The following PARD3 variants were observed in gnomAD, a reference collection of about 807,000 sequenced individuals.
The protein encoded by PARD3 is partitioning defective 3 homolog.
PARD3 carries 75 observed loss-of-function variants against 155.4 expected under a neutral mutation model. The ratio of observed to expected loss-of-function variants is 0.48; its 90% CI spans 0.40 to 0.58. The LOEUF is 0.58. Ranked by LOEUF, PARD3 falls within the 20% of genes least tolerant of loss-of-function variation. The pLI, the probability that PARD3 is intolerant of heterozygous loss-of-function variation, is 0.00. For missense variants in PARD3, 1,642 were observed against 1,721.7 expected (o/e 0.95, Z 0.82); for synonymous variants, 576 against 610.5 (o/e 0.94, Z 0.83).
intron 22 of PARD3, among the ~76,000 whole-genome samples, chr10:34,171,711 G>A (rs1379143679): frequency 2.0e-5 from 3 of 151,888 alleles, no homozygotes; most frequent in Non-Finnish European, 2.9e-5. Flanking sequence ...CACTTTGGGA[G>A]GCCGAGGCAG....
intron 5 of PARD3, among the ~76,000 whole-genome samples, chr10:34,414,506 G>T (rs1306489521): frequency 6.6e-6 from 1 of 151,902 alleles, no homozygotes; most frequent in East Asian, 1.9e-4. Flanking sequence ...TATAAAAGCT[G>T]AATCTACTGA....
At chr10:34,710,761 A>T (rs2094438281) in intron 1 of PARD3, among the ~76,000 whole-genome samples, 1 of 152,186 alleles carries the variant, frequency 6.6e-6, no homozygotes, top group Non-Finnish European at 1.5e-5. Context: ...TGCTCAATAA[A>T]TACTGGTCAA....
intron 18 of PARD3, among the ~76,000 whole-genome samples, chr10:34,332,804 A>C (rs1835758204): frequency 6.6e-6 from 1 of 152,156 alleles, no homozygotes; most frequent in Admixed American, 6.6e-5. Context: ...CATGAGATTT[A>C]TTTCTTTGAA....
chr10:34,313,104 T>A (rs1460597547), intron 20 of PARD3, among the ~76,000 whole-genome samples: 1 of 152,212 alleles, frequency 6.6e-6, no homozygotes, highest in African/African-American at 2.4e-5. Flanking sequence ...ACATACTCAA[T>A]TTCCTCTTTC....
intron 14 of PARD3, among the ~76,000 whole-genome samples, chr10:34,355,338 A>G (rs1291109677): frequency 6.6e-6 from 1 of 152,112 alleles, no homozygotes; most frequent in Non-Finnish European, 1.5e-5. Context: ...GCTGTCTCCA[A>G]AAAAGAAAAG....
intron 5 of PARD3, among the ~76,000 whole-genome samples, chr10:34,433,038 T>C (rs1417198559): frequency 1.3e-5 from 2 of 152,224 alleles, no homozygotes; most frequent in Admixed American, 6.5e-5. Context: ...ACTGCACATG[T>C]ACCTTAAAGT....
At chr10:34,196,727 C>T (rs1026666434) in intron 22 of PARD3, among the ~76,000 whole-genome samples, 2 of 151,884 alleles carry the variant, frequency 1.3e-5, no homozygotes, top group Admixed American at 6.6e-5. Flanking sequence ...GTGCCCGCCA[C>T]CACACTTGGC....
intron 1 of PARD3, among the ~76,000 whole-genome samples, chr10:34,798,086 G>C (rs555390456): frequency 1.3e-5 from 2 of 152,048 alleles, no homozygotes; most frequent in African/African-American, 4.8e-5. Context: ...ATGGGAGGCT[G>C]AGGCAAGAGG....
intron 1 of PARD3, among the ~76,000 whole-genome samples, chr10:34,756,068 T>C (rs1836680514): frequency 6.6e-6 from 1 of 151,134 alleles, no homozygotes; most frequent in Admixed American, 6.6e-5. Context: ...GCTAGGATGC[T>C]AATCTGGGTT....
intron 3 of PARD3, among the ~76,000 whole-genome samples, chr10:34,478,195 A>T (rs998205264): frequency 6.6e-6 from 1 of 152,216 alleles, no homozygotes; most frequent in Non-Finnish European, 1.5e-5. Flanking sequence ...ACAGGATACT[A>T]TGGTTGGAAG....
At position 34,468,387 on chromosome 10, in the gene PARD3, G is replaced by A. The variant is rs535518281; in HGVS notation, c.582+1698C>T. Among the ~76,000 whole-genome samples the A allele has an allele frequency of 5.1e-4, 77 of 152,230 alleles. 1 individual carries two copies. The highest frequency in any genetic ancestry group is 1.7e-3 in the African/African-American group (72 of 41,548). On this transcript the variant is annotated intron_variant, in intron 4 of 24. Coordinates refer to ENST00000374788, the MANE Select transcript of PARD3 (RefSeq NM_001184785.2). ...TTGAATGACTTGAAAAGAAACTTCC[G>A]TATGTTTCAAACAGTTGAAAACCAA... is the stretch of plus-strand genomic sequence containing the variant.
chr10:34,224,819 C>A (rs1424812469), intron 22 of PARD3, among the ~76,000 whole-genome samples: 3 of 152,116 alleles, frequency 2.0e-5, no homozygotes, highest in Non-Finnish European at 4.4e-5. Context: ...GAGCACTTAT[C>A]CATCATCCTG....
chr10:34,591,114 G>A (rs545746995), intron 2 of PARD3, among the ~76,000 whole-genome samples: 1 of 151,990 alleles, frequency 6.6e-6, no homozygotes, highest in Non-Finnish European at 1.5e-5. Flanking sequence ...TCCCAGTCAC[G>A]AAGACCAGCT....
intron 3 of PARD3, among the ~76,000 whole-genome samples, chr10:34,471,184 T>TCATATACTCACATATACAATTA: frequency 6.6e-6 from 1 of 152,340 alleles, no homozygotes; most frequent in South Asian, 2.1e-4. Context: ...GTAGTTTCTG[T>TCATATACTCACATATACAATTA]CATATACTCA....
rs2384220 is a variant in PARD3, at chr10:34,389,758, T to C, written c.891-5504A>G. Reference sequence around the variant, plus strand: ...CAACTACCTACATGAGCCCAGAAAGTACTGCCACTGAAAGCATGGACACCA... The same window carrying C: ...CAACTACCTACATGAGCCCAGAAAGCACTGCCACTGAAAGCATGGACACCA... On this transcript the variant is annotated intron_variant, in intron 7 of 24. Coordinates refer to ENST00000374788, the MANE Select transcript of PARD3 (RefSeq NM_001184785.2). 2.5e-3 allele frequency among the ~76,000 whole-genome samples: 387 copies of C among 152,230 alleles called. 6 individuals are homozygous for C. The highest frequency in any genetic ancestry group is 0.024 in the Admixed American group (360 of 15,294).
intron 1 of PARD3, among the ~76,000 whole-genome samples, chr10:34,697,630 C>T (rs529290540): frequency 2.6e-5 from 4 of 152,268 alleles, no homozygotes; most frequent in African/African-American, 9.6e-5. Flanking sequence ...GTAACTCAGA[C>T]CTTAATCCTC....
intron 22 of PARD3, among the ~76,000 whole-genome samples, chr10:34,201,221 A>G (rs1382092016): frequency 6.6e-6 from 1 of 152,204 alleles, no homozygotes; most frequent in Non-Finnish European, 1.5e-5. Flanking sequence ...TCTGAGGATA[A>G]AGGGAACCAA....
chr10:34,240,982 C>T (rs868375250), intron 22 of PARD3, among the ~76,000 whole-genome samples: 14 of 152,288 alleles, frequency 9.2e-5, no homozygotes, highest in Middle Eastern at 3.4e-3. Context: ...GCCGCTGTTT[C>T]GGGGCTTGCA....
chr10:34,371,487 A>G lies in PARD3; in HGVS notation c.1707+1011T>C, dbSNP rs796966130. Among the ~76,000 whole-genome samples, 59 of 26,834 alleles carry G rather than the reference A, an allele frequency of 2.2e-3. 2 individuals carry two copies. The highest frequency in any genetic ancestry group is 0.015 in the African/African-American group (58 of 3,994). 17.6% of individuals were successfully genotyped at this position (26,834 alleles called of 152,430 possible). On this transcript the variant is annotated intron_variant, in intron 12 of 24. Coordinates refer to ENST00000374788, the MANE Select transcript of PARD3 (RefSeq NM_001184785.2). Reference sequence around the variant, plus strand: ...TGAAATATGGTGAGATTCTAGACTCAAAAAAAAAAAAAAAAAAAAAAAAAA... The same window carrying G: ...TGAAATATGGTGAGATTCTAGACTCGAAAAAAAAAAAAAAAAAAAAAAAAA...
Sources: allele counts gnomAD v4.1 joint callset (sites outside exome capture counted in the v4.1 genomes callset), GRCh38; gene constraint gnomAD v4.1.1; transcripts MANE v1.5; gene names NCBI Gene and HGNC (gene_info 2026-07-23, HGNC 2026-07-21).